PPP1R21: variants seen among roughly 807,000 people sequenced by gnomAD.
The protein encoded by PPP1R21 is protein phosphatase 1 regulatory subunit 21.
PPP1R21 carries 85 observed loss-of-function variants against 112.8 expected under a neutral mutation model. The observed-to-expected ratio is 0.75, with a 90% confidence interval of 0.63 to 0.90. The LOEUF (loss-of-function observed/expected upper bound fraction) is 0.90, where lower values mean the gene tolerates loss of function less well. Among genes scored for constraint, PPP1R21 ranks in the 40% least tolerant of loss-of-function variants. PPP1R21 has a pLI of 0.00. For synonymous variants in PPP1R21, 381 were observed against 322.3 expected (o/e 1.18, Z -1.95); for missense variants, 1,199 against 901.5 (o/e 1.33, Z -4.23).
chr2:48,481,066 G>A (rs144101663), intron 13 of PPP1R21, among the ~76,000 whole-genome samples: 124 of 152,304 alleles, frequency 8.1e-4, no homozygotes, highest in African/African-American at 2.8e-3. Context: ...TCCGCTCACT[G>A]CAGCCTTTGC....
intron 7 of PPP1R21, among the ~76,000 whole-genome samples, chr2:48,462,895 ATGTGGAAGATCT>A (rs1395076005): frequency 1.3e-5 from 2 of 152,136 alleles, no homozygotes; most frequent in African/African-American, 4.8e-5. Flanking sequence ...GATTGGGGAG[ATGTGGAAGATCT>A]TGTGGAAGGA....
At chr2:48,472,239 CAAAAAAAAAAAAAA>C (rs57711610) in intron 11 of PPP1R21, among the ~76,000 whole-genome samples, 5 of 43,036 alleles carry the variant, frequency 1.2e-4, no homozygotes, top group African/African-American at 3.9e-4. Flanking sequence ...GACTCCATCT[CAAAAAAAAAAAAAA>C]AAAAAAAAAA....
At chr2:48,484,667 C>G (rs1255143797) in intron 13 of PPP1R21, among the ~76,000 whole-genome samples, 1 of 152,210 alleles carries the variant, frequency 6.6e-6, no homozygotes, top group East Asian at 1.9e-4. Context: ...CAGGCACATG[C>G]CACTACACCC....
chr2:48,448,704 C>T lies in PPP1R21; in HGVS notation c.58-2304C>T, dbSNP rs77501231. Among the ~76,000 whole-genome samples the T allele has an allele frequency of 6.1e-3, 920 of 150,366 alleles. 6 individuals are homozygous for T. Among genetic ancestry groups the T allele is most frequent in the Non-Finnish European group, 0.01 (688 of 67,452 alleles). Reference sequence around the variant, plus strand: ...GAATTCTGTGAAGTAGCACATTATTCAAGACTATGTTGATATTTGCTTAAA... The same window carrying T: ...GAATTCTGTGAAGTAGCACATTATTTAAGACTATGTTGATATTTGCTTAAA... On this transcript the variant is annotated intron_variant, in intron 1 of 21. Transcript: ENST00000294952.
chr2:48,497,604 A>G (rs991937582), intron 16 of PPP1R21, among the ~76,000 whole-genome samples: 25 of 151,976 alleles, frequency 1.6e-4, no homozygotes, highest in Non-Finnish European at 3.1e-4. Flanking sequence ...TTAGTTTTAA[A>G]TAAATGGCAA....
chr2:48,447,151 TA>T (rs1223599934), intron 1 of PPP1R21, among the ~76,000 whole-genome samples: 1 of 152,152 alleles, frequency 6.6e-6, no homozygotes, highest in African/African-American at 2.4e-5. Context: ...TTGTTGTTAG[TA>T]AGTGCCAAAG....
chr2:48,493,196 G>A (rs113429805), intron 15 of PPP1R21, among the ~76,000 whole-genome samples: 11,351 of 151,714 alleles, frequency 0.075, 602 homozygotes, highest in Non-Finnish European at 0.11. Flanking sequence ...TAGTAGAGAC[G>A]GGGTTTCACC....
chr2:48,486,232 C>T (rs944310435), intron 13 of PPP1R21, among the ~76,000 whole-genome samples: 2 of 152,056 alleles, frequency 1.3e-5, no homozygotes, highest in African/African-American at 4.8e-5. Flanking sequence ...TTGGCTATTC[C>T]TTTCCAGCCT....
In PPP1R21 at chr2:48,465,553, C is replaced by T. The variant is rs1038979490; in HGVS notation, c.808C>T (p.Leu270Phe). ...TTTTGTTCAGGATCTTGTGACGGCT[C>T]TTCTAAACTTTCATACCTACACAGA... ...LAFVQDLVTA[L>F]LNFHTYTEQR... The change falls in exon 9 of 22, where the codon CTT (leucine) becomes TTT (phenylalanine). Residue 270 changes from leucine (L) to phenylalanine (F), a missense_variant. Physicochemically the swap from Leu to Phe is conservative, Grantham distance 22. Transcript: ENST00000294952. 1 of 1,613,868 alleles carries T rather than the reference C, an allele frequency of 6.2e-7. No homozygotes were observed. The highest frequency in any genetic ancestry group is 1.3e-5 in the African/African-American group (1 of 74,900).
chr2:48,475,065 A>G (rs1668689193), intron 12 of PPP1R21, among the ~76,000 whole-genome samples: 1 of 152,166 alleles, frequency 6.6e-6, no homozygotes, highest in Non-Finnish European at 1.5e-5. Flanking sequence ...TAAATTAAGA[A>G]CGTACGGCCA....
intron 4 of PPP1R21, among the ~76,000 whole-genome samples, chr2:48,459,221 G>GA (rs1220350928): frequency 1.3e-5 from 2 of 150,826 alleles, no homozygotes; most frequent in Admixed American, 1.3e-4. Context: ...TTCAGTCTTT[G>GA]AAAAAGTTGT....
At chr2:48,504,100 A>T (rs1249198346) in intron 17 of PPP1R21, among the ~76,000 whole-genome samples, 1 of 152,156 alleles carries the variant, frequency 6.6e-6, no homozygotes, top group Non-Finnish European at 1.5e-5. Flanking sequence ...TTTATTTTAT[A>T]AACTGCAGTC....
chr2:48,485,760 CA>C (rs1366894435), intron 13 of PPP1R21, among the ~76,000 whole-genome samples: 7 of 150,748 alleles, frequency 4.6e-5, no homozygotes, highest in Non-Finnish European at 8.9e-5. Context: ...TAGTCTAAAA[CA>C]ATCAACAAAA....
intron 15 of PPP1R21, among the ~76,000 whole-genome samples, chr2:48,493,819 C>G (rs1396228665): frequency 6.6e-6 from 1 of 151,814 alleles, no homozygotes; most frequent in African/African-American, 2.4e-5. Context: ...ATATTTTATT[C>G]TGTTCTTCAT....
chr2:48,480,272 A>C (rs373898449), intron 13 of PPP1R21, among the ~76,000 whole-genome samples: 1 of 152,168 alleles, frequency 6.6e-6, no homozygotes, highest in Non-Finnish European at 1.5e-5. Context: ...AATACGTTAC[A>C]CTGACTTTAG....
Position 48,514,929 on chromosome 2 carries a change from A to G in PPP1R21, c.*185A>G. On this transcript the variant is annotated 3_prime_UTR_variant, in exon 22 of 22. Transcript: ENST00000294952. ...AACATATTTGTAACCAGTGAGGCAA[A>G]TACAGAAGTTGATGTCGGCAGTAAA... is the stretch of plus-strand genomic sequence containing the variant. The G allele has an allele frequency of 1.8e-6, 1 of 569,958 alleles. No homozygotes were observed. The highest frequency in any genetic ancestry group is 3.1e-6 in the Non-Finnish European group (1 of 324,724). 35.3% of individuals were successfully genotyped at this position (569,958 alleles called of 1,614,324 possible).
intron 9 of PPP1R21, among the ~76,000 whole-genome samples, chr2:48,468,853 G>GTGTGTGTGTGTGTA (rs1324745572): frequency 2.0e-5 from 3 of 150,314 alleles, no homozygotes; most frequent in Non-Finnish European, 4.4e-5. Context: ...GTGTGTGTGT[G>GTGTGTGTGTGTGTA]TGTGTATGTA....
Position 48,474,782 on chromosome 2 carries a change from G to C in PPP1R21, c.1188G>C (p.Glu396Asp), listed in dbSNP as rs1668677009. 1 of 1,613,754 alleles carries C rather than the reference G, an allele frequency of 6.2e-7. No individual in the cohort carries two copies. Among genetic ancestry groups the C allele is most frequent in the Admixed American group, 1.7e-5 (1 of 59,958 alleles). ...QDMKKMTAVF[E>D]KLQTYIALLA... ...TGAAAAAAATGACAGCTGTGTTTGA[G>C]AAGCTGCAGACTTACATAGCTCTTC... The change falls in exon 12 of 22, where the codon GAG becomes GAC. Residue 396 changes from glutamate to aspartate, a missense_variant. Glu to Asp is a conservative substitution (Grantham distance 45). Coordinates refer to ENST00000294952, the MANE Select transcript of PPP1R21 (RefSeq NM_001135629.3).
chr2:48,457,122 A>C (rs953923205), intron 3 of PPP1R21, among the ~76,000 whole-genome samples: 1 of 152,150 alleles, frequency 6.6e-6, no homozygotes, highest in Non-Finnish European at 1.5e-5. Context: ...CTGAACTTCA[A>C]ACATGTTCTT....
Sources: gnomAD v4.1 joint callset for allele counts (sites outside exome capture counted in the v4.1 genomes callset) on GRCh38, gnomAD v4.1.1 for gene constraint, MANE v1.5 for transcripts, NCBI Gene and HGNC (gene_info 2026-07-23, HGNC 2026-07-21) for gene names.